Variants in ELP2 observed in about 807,000 individuals in gnomAD.
ELP2 encodes the protein elongator complex protein 2.
ELP2 carries 90 observed loss-of-function variants against 119.2 expected under a neutral mutation model. The observed-to-expected ratio is 0.75, with a 90% CI of 0.64 to 0.90. ELP2 has a LOEUF of 0.90. Among genes scored for constraint, ELP2 ranks in the 40% least tolerant of loss-of-function variants. ELP2 has a pLI of 0.00. For missense variants in ELP2, 921 were observed against 967.8 expected (o/e 0.95, Z 0.64); for synonymous variants, 339 against 331.0 (o/e 1.02, Z -0.26).
chr18:36,130,124 G>A, intron 1 of ELP2, 53 bp downstream of exon 1: 1 of 1,611,692 alleles, frequency 6.2e-7, no homozygotes, highest in South Asian at 1.1e-5. Flanking sequence ...TTGAACCTGT[G>A]GACGTGCTCC....
intron 5 of ELP2, chr18:36,139,543 G>C (rs1175626303): frequency 2.0e-6 from 3 of 1,535,606 alleles, no homozygotes; most frequent in South Asian, 2.4e-5. Flanking sequence ...GCAAGGCTCT[G>C]TGGAAGGAGA....
At chr18:36,163,275 GGTGT>G (rs59728775) in intron 17 of ELP2, among the ~76,000 whole-genome samples, 1 of 145,360 alleles carries the variant, frequency 6.9e-6, no homozygotes, top group African/African-American at 2.5e-5. Flanking sequence ...GTTCATGGGG[GGTGT>G]GTGTGTGTGT....
At chr18:36,168,132 C>T (rs2090962045) in intron 19 of ELP2, among the ~76,000 whole-genome samples, 1 of 152,236 alleles carries the variant, frequency 6.6e-6, no homozygotes, top group Admixed American at 6.5e-5. Context: ...ATTCCTCTCC[C>T]TGCCTTCTTT....
intron 11 of ELP2, 59 bp downstream of exon 11, chr18:36,146,440 A>G (rs2090205692): frequency 6.3e-7 from 1 of 1,581,550 alleles, no homozygotes; most frequent in Non-Finnish European, 8.7e-7. Flanking sequence ...TTCTAGGTAA[A>G]TAGTATTTTG....
At chr18:36,151,744 T>G (rs1366911038) in intron 11 of ELP2, among the ~76,000 whole-genome samples, 1 of 14,820 alleles carries the variant, frequency 6.7e-5, no homozygotes, top group Non-Finnish European at 4.0e-4. Flanking sequence ...TCTGTTCTGT[T>G]TTTTTTTTTT....
Position 36,138,267 on chromosome 18 carries a change from C to G in ELP2, c.289-3C>G. On this transcript the variant is annotated splice_polypyrimidine_tract_variant and splice_region_variant and intron_variant, in intron 3 of 21. Transcript: ENST00000358232. ...AATGCTTCTGTCATTCTTTCTGATT[C>G]AGCTTTTAAAAGCAGTGCATCTTCA... 2 of 1,613,972 alleles carry G rather than the reference C, an allele frequency of 1.2e-6. No individual in the cohort carries two copies. Among genetic ancestry groups the G allele is most frequent in the Non-Finnish European group, 1.7e-6 (2 of 1,179,944 alleles).
intron 18 of ELP2, chr18:36,165,053 A>G (rs2090854561): frequency 9.0e-6 from 2 of 222,844 alleles, no homozygotes. Context: ...TACAACTAAG[A>G]AAACTCATGG....
intron 7 of ELP2, 128 bp downstream of exon 7, chr18:36,142,475 G>A: frequency 1.3e-6 from 1 of 783,740 alleles, no homozygotes; most frequent in Non-Finnish European, 2.2e-6. Context: ...GTCCCAATTA[G>A]AAAGGAGGAT....
intron 3 of ELP2, among the ~76,000 whole-genome samples, chr18:36,137,838 G>A (rs922342663): frequency 9.5e-5 from 14 of 147,254 alleles, no homozygotes; most frequent in Admixed American, 2.7e-4. Flanking sequence ...TTAACATCAC[G>A]GTGAAAAAAC....
intron 10 of ELP2, 81 bp from the exon 11 acceptor site, chr18:36,146,169 A>G (rs1475778720): frequency 1.3e-6 from 2 of 1,591,788 alleles, no homozygotes; most frequent in Admixed American, 3.3e-5. Flanking sequence ...TGGGAATTTA[A>G]CAGTCTCTGG....
chr18:36,169,386 T>G (rs2091007841), intron 19 of ELP2, among the ~76,000 whole-genome samples: 1 of 98,822 alleles, frequency 1.0e-5, no homozygotes, highest in Non-Finnish European at 2.0e-5. Context: ...AGCTGATAAG[T>G]TCTTTTTTTT....
chr18:36,171,024 T>C (rs945969065), intron 20 of ELP2, 23 bp from the exon 21 acceptor site: 1 of 1,484,922 alleles, frequency 6.7e-7, no homozygotes, highest in Admixed American at 1.7e-5. Flanking sequence ...TTAATCACTG[T>C]TGTCCCCCTC....
At chr18:36,133,445 G>A in intron 2 of ELP2, 129 bp downstream of exon 2, 2 of 723,576 alleles carry the variant, frequency 2.8e-6, no homozygotes, top group East Asian at 2.7e-5. Flanking sequence ...GGAGAAACAA[G>A]AAAAATGGTA....
chr18:36,161,073 G>A, intron 17 of ELP2, 69 bp downstream of exon 17: 3 of 1,161,044 alleles, frequency 2.6e-6, no homozygotes, highest in Admixed American at 1.7e-5. Flanking sequence ...TGCAAGTTTG[G>A]TAATGATTTA....
intron 11 of ELP2, among the ~76,000 whole-genome samples, chr18:36,147,946 C>T (rs1260635038): frequency 1.3e-5 from 2 of 151,916 alleles, no homozygotes; most frequent in African/African-American, 4.8e-5. Flanking sequence ...CCCATGCCCT[C>T]CCTGGCTGTG....
intron 3 of ELP2, 38 bp from the exon 4 acceptor site, chr18:36,138,231 CT>C (rs34817357): frequency 6.3e-7 from 1 of 1,579,470 alleles, no homozygotes; most frequent in South Asian, 1.1e-5. Context: ...AAAAAAAATC[CT>C]TTTTTTCACA....
intron 14 of ELP2, among the ~76,000 whole-genome samples, chr18:36,159,178 T>C (rs973862709): frequency 4.0e-5 from 6 of 151,374 alleles, no homozygotes; most frequent in Non-Finnish European, 7.4e-5. Context: ...AGTGGCGCGA[T>C]CTCAGCTCAC....
At chr18:36,134,483 G>C (rs1317848788) in intron 2 of ELP2, among the ~76,000 whole-genome samples, 12 of 152,080 alleles carry the variant, frequency 7.9e-5, no homozygotes, top group Non-Finnish European at 1.3e-4. Flanking sequence ...GGAAACCATT[G>C]GGGTTTTTCC....
chr18:36,175,019 C>T lies in ELP2; in HGVS notation c.*378C>T. 1 of 274,256 alleles carries T rather than the reference C, an allele frequency of 3.6e-6. No homozygotes were observed. The highest frequency in any genetic ancestry group is 4.0e-5 in the South Asian group (1 of 24,786). 17.0% of individuals were successfully genotyped at this position (274,256 alleles called of 1,614,324 possible). A position where few individuals can be genotyped will look rare whatever the true frequency, so the allele number is the denominator to read the frequency against. ...GAGTTTCATTTTTTAAGTCACATAG[C>T]AGTAGTCCTTATTTCAGTGCTAGAC... is the stretch of plus-strand genomic sequence containing the variant. On this transcript the variant is annotated 3_prime_UTR_variant, in exon 22 of 22. Coordinates refer to ENST00000358232, the MANE Select transcript of ELP2 (RefSeq NM_018255.4).
Sources: allele counts gnomAD v4.1 joint callset (sites outside exome capture counted in the v4.1 genomes callset), GRCh38; gene constraint gnomAD v4.1.1; transcripts MANE v1.5; gene names NCBI Gene and HGNC (gene_info 2026-07-23, HGNC 2026-07-21).